The following MAGI2 variants were observed in gnomAD, a reference collection of about 807,000 sequenced individuals.
MAGI2 encodes the protein membrane associated guanylate kinase, WW and PDZ domain containing 2, also known as membrane-associated guanylate kinase, WW and PDZ domain-containing protein 2.
In MAGI2, 35 loss-of-function variants were observed where a neutral mutation model predicts 133.3. The observed-to-expected ratio is 0.26, with a 90% CI of 0.20 to 0.35. MAGI2 has a LOEUF of 0.35. Ranked by LOEUF, MAGI2 falls within the 10% of genes least tolerant of loss-of-function variation. The pLI is 1.00. For missense variants in MAGI2, 1,636 were observed against 1,863.4 expected (o/e 0.88, Z 2.25); for synonymous variants, 729 against 710.6 (o/e 1.03, Z -0.41).
intron 2 of MAGI2, among the ~76,000 whole-genome samples, chr7:78,763,118 G>C (rs1347468363): frequency 6.6e-6 from 1 of 152,112 alleles, no homozygotes; most frequent in Non-Finnish European, 1.5e-5. Context: ...AGGTTCAGGG[G>C]ATATGTACTA....
intron 20 of MAGI2, among the ~76,000 whole-genome samples, chr7:78,080,101 G>T (rs1228211386): frequency 6.6e-6 from 1 of 152,214 alleles, no homozygotes; most frequent in Admixed American, 6.5e-5. Flanking sequence ...TGTGGATGCT[G>T]CAGGCTGGCT....
chr7:78,120,962 C>T (rs1222813424), intron 20 of MAGI2, among the ~76,000 whole-genome samples: 70 of 132,812 alleles, frequency 5.3e-4, no homozygotes, highest in Middle Eastern at 4.2e-3. Flanking sequence ...GATCCCGCCA[C>T]TGCACTCCAG....
rs1477603685 is a variant in MAGI2, at chr7:79,391,532, T to TAAAC, written c.301+61487_301+61488insGTTT. ...ACATATATATATATATATATATATA[T>TAAAC]ATATAGACATATATATATATATATA... On this transcript the variant is annotated intron_variant, in intron 1 of 21. Coordinates refer to ENST00000354212, the MANE Select transcript of MAGI2 (RefSeq NM_012301.4). 3.2e-5 allele frequency among the ~76,000 whole-genome samples: 2 copies of TAAAC among 62,828 alleles called. 1 individual carries two copies. Among genetic ancestry groups the TAAAC allele is most frequent in the East Asian group, 8.0e-4 (2 of 2,508 alleles). The allele number at this position is 62,828 out of a possible 152,430, so 41.2% of individuals were successfully genotyped here.
intron 1 of MAGI2, among the ~76,000 whole-genome samples, chr7:79,342,024 C>T (rs1334644992): frequency 6.6e-6 from 1 of 152,144 alleles, no homozygotes; most frequent in Non-Finnish European, 1.5e-5. Flanking sequence ...TTGAACTTGT[C>T]CATCACCTTT....
At chr7:78,625,705 G>A (rs540146375) in intron 3 of MAGI2, among the ~76,000 whole-genome samples, 1 of 152,204 alleles carries the variant, frequency 6.6e-6, no homozygotes, top group South Asian at 2.1e-4. Context: ...TCCATTCATG[G>A]TAAGCACCTT....
At chr7:78,548,061 C>T (rs1002565881) in intron 3 of MAGI2, among the ~76,000 whole-genome samples, 8 of 152,144 alleles carry the variant, frequency 5.3e-5, no homozygotes, top group African/African-American at 1.7e-4. Flanking sequence ...AACTTCCTAA[C>T]CCCTTTCTCA....
intron 10 of MAGI2, among the ~76,000 whole-genome samples, chr7:78,239,485 G>T (rs1162710267): frequency 6.6e-6 from 1 of 152,088 alleles, no homozygotes; most frequent in African/African-American, 2.4e-5. Flanking sequence ...ATGAAGAATG[G>T]AAGAAAATAT....
At chr7:78,978,495 G>A (rs1372561303) in intron 2 of MAGI2, among the ~76,000 whole-genome samples, 1 of 151,798 alleles carries the variant, frequency 6.6e-6, no homozygotes, top group Non-Finnish European at 1.5e-5. Flanking sequence ...GGAAGAGGGA[G>A]GGAAATGATC....
intron 1 of MAGI2, among the ~76,000 whole-genome samples, chr7:79,086,701 G>A (rs927394003): frequency 1.1e-4 from 17 of 151,444 alleles, no homozygotes; most frequent in Non-Finnish European, 2.1e-4. Flanking sequence ...TCTCATTTTG[G>A]TGAACAAAAT....
intron 1 of MAGI2, among the ~76,000 whole-genome samples, chr7:79,282,645 T>C (rs1484521506): frequency 6.6e-6 from 1 of 152,108 alleles, no homozygotes; most frequent in Admixed American, 6.6e-5. Flanking sequence ...GGAGAACCCT[T>C]ACTGTGCTCA....
chr7:78,437,564 C>T (rs1787167343), intron 6 of MAGI2, among the ~76,000 whole-genome samples: 1 of 152,158 alleles, frequency 6.6e-6, no homozygotes, highest in Admixed American at 6.5e-5. Context: ...TCTGTGCCCT[C>T]ATCTTGACAG....
intron 2 of MAGI2, among the ~76,000 whole-genome samples, chr7:78,957,556 A>G (rs906426676): frequency 1.3e-5 from 2 of 152,304 alleles, no homozygotes; most frequent in Middle Eastern, 3.4e-3. Context: ...GACAGTTATA[A>G]TAAGAGCTTA....
intron 2 of MAGI2, among the ~76,000 whole-genome samples, chr7:78,681,599 C>T (rs1214859196): frequency 1.3e-5 from 2 of 152,118 alleles, no homozygotes; most frequent in East Asian, 1.9e-4. Context: ...CTTTTCAGAA[C>T]ATCGATCTGT....
chr7:78,990,818 C>T (rs544205077), intron 2 of MAGI2, among the ~76,000 whole-genome samples: 26 of 151,298 alleles, frequency 1.7e-4, no homozygotes, highest in South Asian at 2.1e-4. Flanking sequence ...TTGAACTAAA[C>T]GTAAGTTTTC....
intron 2 of MAGI2, among the ~76,000 whole-genome samples, chr7:78,894,167 C>T (rs1006514392): frequency 2.0e-5 from 3 of 152,084 alleles, no homozygotes; most frequent in African/African-American, 4.8e-5. Flanking sequence ...TTTGTGAGGC[C>T]GAGGCAGGCG....
At chr7:79,142,255 T>G (rs182138628) in intron 1 of MAGI2, among the ~76,000 whole-genome samples, 53 of 152,312 alleles carry the variant, frequency 3.5e-4, no homozygotes, top group Non-Finnish European at 7.4e-4. Flanking sequence ...TTGGATATCT[T>G]GATTGGTTCA....
intron 3 of MAGI2, chr7:78,615,125 CA>C (rs1360979319): frequency 6.6e-6 from 1 of 152,178 alleles, no homozygotes; most frequent in African/African-American, 2.4e-5. Context: ...CAGGAGTCTC[CA>C]TCCCCACATC....
At chr7:79,017,953 T>C (rs1247934360) in intron 1 of MAGI2, among the ~76,000 whole-genome samples, 1 of 152,158 alleles carries the variant, frequency 6.6e-6, no homozygotes, top group African/African-American at 2.4e-5. Context: ...ACCCAGTCTA[T>C]GACTTATTGG....
At chr7:78,498,184 T>C (rs1459638252) in intron 5 of MAGI2, among the ~76,000 whole-genome samples, 1 of 152,240 alleles carries the variant, frequency 6.6e-6, no homozygotes, top group African/African-American at 2.4e-5. Flanking sequence ...GTAATGCATA[T>C]GTTAAGTAGC....
Sources: gnomAD v4.1 joint callset for allele counts (sites outside exome capture counted in the v4.1 genomes callset) on GRCh38, gnomAD v4.1.1 for gene constraint, MANE v1.5 for transcripts, NCBI Gene and HGNC (gene_info 2026-07-23, HGNC 2026-07-21) for gene names.